SLU7: variants seen among roughly 807,000 people sequenced by gnomAD.
The protein encoded by SLU7 is spliceosome associated SLU7.
SLU7 carries 60 observed loss-of-function variants against 87.0 expected under a neutral mutation model. That is an observed-to-expected ratio of 0.69 (90% CI 0.56 to 0.86). SLU7 has a LOEUF of 0.86. SLU7 is among the 40% of genes least tolerant of loss of function. SLU7 has a pLI of 0.00. For missense variants in SLU7, 507 were observed against 686.6 expected, an observed-to-expected ratio of 0.74 and a Z score of 2.92; for synonymous variants, 197 against 222.0, an observed-to-expected ratio of 0.89 and a Z score of 1.00.
chr5:160,416,476 C>T (rs1765461356), intron 1 of SLU7, among the ~76,000 whole-genome samples: 1 of 152,222 alleles, frequency 6.6e-6, no homozygotes, highest in African/African-American at 2.4e-5. Flanking sequence ...GACATCTCCA[C>T]TTAGAGGCCA....
At chr5:160,411,796 C>T (rs1359565494) in intron 6 of SLU7, among the ~76,000 whole-genome samples, 2 of 151,786 alleles carry the variant, frequency 1.3e-5, no homozygotes, top group Non-Finnish European at 2.9e-5. Context: ...GAAAAAAAAA[C>T]TGGCTGCAAT....
At chr5:160,415,336 TAA>T (rs1375003377) in intron 1 of SLU7, 26 bp from the exon 2 acceptor site, 2 of 1,511,916 alleles carry the variant, frequency 1.3e-6, no homozygotes. Flanking sequence ...AAACTTACAG[TAA>T]AAAGTAGGCC....
intron 2 of SLU7, among the ~76,000 whole-genome samples, chr5:160,414,843 G>A (rs768772287): frequency 5.9e-5 from 9 of 152,126 alleles, no homozygotes; most frequent in Non-Finnish European, 1.0e-4. Context: ...CTAGAGATGT[G>A]ACGGTAACAA....
chr5:160,415,955 T>C (rs1260374798), intron 1 of SLU7, among the ~76,000 whole-genome samples: 1 of 152,016 alleles, frequency 6.6e-6, no homozygotes, highest in Non-Finnish European at 1.5e-5. Flanking sequence ...TGCAGTGGCA[T>C]GATCTCAGCT....
chr5:160,413,808 G>T, intron 4 of SLU7, 91 bp downstream of exon 4: 1 of 1,030,150 alleles, frequency 9.7e-7, no homozygotes, highest in Non-Finnish European at 1.4e-6. Context: ...CCTAAATATA[G>T]GTGATTTCAG....
At chr5:160,409,278 C>A (rs796193125) in intron 6 of SLU7, among the ~76,000 whole-genome samples, 1 of 151,984 alleles carries the variant, frequency 6.6e-6, no homozygotes, top group South Asian at 2.1e-4. Flanking sequence ...AAGGAGAGGC[C>A]AAACTCCTTG....
intron 1 of SLU7, among the ~76,000 whole-genome samples, chr5:160,416,812 T>C (rs1390054722): frequency 1.3e-5 from 2 of 152,216 alleles, no homozygotes; most frequent in Non-Finnish European, 2.9e-5. Context: ...AATCTGATCA[T>C]ATCATGTCTG....
In SLU7 at chr5:160,412,565, T is replaced by C. The variant is rs760615430; in HGVS notation, c.571-46A>G. On this transcript the variant is annotated intron_variant, in intron 5 of 15. Transcript: ENST00000297151. ...AAGAAAGAAAGAAAAAGTAAACATTTAAATTTTACTTACAACATTCAAGTC... is the reference window on the plus strand; with the variant it reads ...AAGAAAGAAAGAAAAAGTAAACATTCAAATTTTACTTACAACATTCAAGTC... 12 of 1,170,476 alleles carry C rather than the reference T, an allele frequency of 1.0e-5. No homozygotes were observed. The South Asian group carries it at 1.8e-4, about 18-fold the overall frequency. 72.5% of individuals were successfully genotyped at this position (1,170,476 alleles called of 1,614,324 possible). A position where few individuals can be genotyped will look rare whatever the true frequency, so the allele number is the denominator to read the frequency against.
Position 160,415,088 on chromosome 5 carries a change from CTGAA to C in SLU7, c.170+33_170+36del, listed in dbSNP as rs751501427. The C allele has an allele frequency of 2.0e-6, 3 of 1,494,438 alleles. No individual in the cohort carries two copies. The African/African-American group carries it at 4.2e-5, about 21-fold the overall frequency. The allele number at this position is 1,494,438 out of a possible 1,614,324, so 92.6% of individuals were successfully genotyped here. A position where few individuals can be genotyped will look rare whatever the true frequency, so the allele number is the denominator to read the frequency against. On this transcript the variant is annotated intron_variant, in intron 2 of 15. Coordinates refer to ENST00000297151, the MANE Select transcript of SLU7 (RefSeq NM_006425.5). ...AACTAAGTAGACATGAATTTGAATT[CTGAA>C]TGAATGGATCATACAAAAAATTAAG... is the stretch of plus-strand genomic sequence containing the variant.
In SLU7 at chr5:160,402,112, C is replaced by A. The variant is rs1581056246; in HGVS notation, c.*1173G>T. ...CTATCCTTATAATTCTTTCAATAAA[C>A]CAACTTCAGGTTTTGTTTTTTTGCA... On this transcript the variant is annotated 3_prime_UTR_variant, in exon 16 of 16. Transcript: ENST00000297151. 6.6e-6 allele frequency: 1 copy of A among 152,152 alleles called. No homozygotes were observed. Among genetic ancestry groups the A allele is most frequent in the East Asian group, 1.9e-4 (1 of 5,206 alleles). 9.4% of individuals were successfully genotyped at this position (152,152 alleles called of 1,614,324 possible).
In SLU7 at chr5:160,404,795, G is replaced by T. The variant is rs750078788; in HGVS notation, c.1464+14C>A. On this transcript the variant is annotated intron_variant, in intron 14 of 15. Coordinates refer to ENST00000297151, the MANE Select transcript of SLU7 (RefSeq NM_006425.5). ...CAGGACTTAAAAATTCAGGACAAAT[G>T]ATTATCAACTTACCTCCATGAGGGT... 6.3e-7 allele frequency: 1 copy of T among 1,580,124 alleles called. No individual in the cohort carries two copies. The highest frequency in any genetic ancestry group is 8.7e-7 in the Non-Finnish European group (1 of 1,149,232).
chr5:160,406,722 G>A, intron 11 of SLU7, 93 bp from the exon 12 acceptor site: 2 of 1,048,802 alleles, frequency 1.9e-6, no homozygotes, highest in Non-Finnish European at 2.7e-6. Flanking sequence ...GAAAGAAAGG[G>A]AACATTCTTT....
chr5:160,407,509 G>T lies in SLU7; in HGVS notation c.1092C>A (p.Phe364Leu). 1 of 1,611,486 alleles carries T rather than the reference G, an allele frequency of 6.2e-7. No homozygotes were observed. Among genetic ancestry groups the T allele is most frequent in the Non-Finnish European group, 8.5e-7 (1 of 1,179,202 alleles). ...YKSFKVKKED[F>L]KEQQKESILE... The stretch of plus-strand genomic sequence containing the variant: ...GGATGCTTTCTTTCTGCTGTTCTTT[G>T]AAATCTTCTTTTTTGACTTTGAAGG... Residue 364 changes from phenylalanine to leucine, a missense_variant, in exon 11 of 16, where the codon TTC becomes TTA. This residue lies in a region of SLU7 where 43 missense variants were observed against 58.4 expected (regional missense o/e 0.74). Coordinates refer to ENST00000297151, the MANE Select transcript of SLU7 (RefSeq NM_006425.5). This position sits in a 1 kb window ranked among gnomAD's most constrained non-coding sequence, Gnocchi z 4.2.
chr5:160,411,367 C>T (rs1460783046), intron 6 of SLU7, among the ~76,000 whole-genome samples: 6 of 152,034 alleles, frequency 3.9e-5, no homozygotes, highest in East Asian at 1.9e-4. Flanking sequence ...TACAGGTGCT[C>T]GCCACCACAC....
At position 160,406,759 on chromosome 5, in the gene SLU7, T is replaced by C. The variant is rs1335243810; in HGVS notation, c.1126-130A>G. On this transcript the variant is annotated intron_variant, in intron 11 of 15. Coordinates refer to ENST00000297151, the MANE Select transcript of SLU7 (RefSeq NM_006425.5). ...CTGGGTTTTGTTATAGAAAGCACAG[T>C]AGGAAAAAAAAAGCCACAAATTTTT... is the stretch of plus-strand genomic sequence containing the variant. The C allele has an allele frequency of 5.1e-6, 4 of 777,824 alleles. No individual in the cohort carries two copies. The East Asian group carries it at 9.2e-5, about 18-fold the overall frequency. The allele number at this position is 777,824 out of a possible 1,614,324, so 48.2% of individuals were successfully genotyped here. A position where few individuals can be genotyped will look rare whatever the true frequency, so the allele number is the denominator to read the frequency against.
chr5:160,414,086 G>T, intron 3 of SLU7, 107 bp from the exon 4 acceptor site: 1 of 777,260 alleles, frequency 1.3e-6, no homozygotes, highest in Non-Finnish European at 2.0e-6. Flanking sequence ...TTTGTTAAAA[G>T]GAAAATAAGT....
intron 6 of SLU7, among the ~76,000 whole-genome samples, chr5:160,411,691 T>C (rs931499018): frequency 1.3e-5 from 2 of 152,218 alleles, no homozygotes; most frequent in African/African-American, 4.8e-5. Context: ...ACTATAAATG[T>C]TTACTATTTA....
At position 160,403,442 on chromosome 5, in the gene SLU7, C is replaced by A; in HGVS notation, c.1604G>T (p.Arg535Leu). 6.2e-7 allele frequency: 1 copy of A among 1,609,408 alleles called. No homozygotes were observed. Among genetic ancestry groups the A allele is most frequent in the Non-Finnish European group, 8.5e-7 (1 of 1,178,048 alleles). ...CATGGTCTCCTTGACATGAAGAAGG[C>A]GGGCCTCCTCTGCGTTCAGTGCCTA... ...LKKALNAEEA[R>L]LLHVKETMQI... Residue 535 changes from arginine (R) to leucine (L), a missense_variant, in exon 16 of 16, where the codon CGC becomes CTC. By Grantham distance (102) the Arg-to-Leu change is moderately radical. Coordinates refer to ENST00000297151, the MANE Select transcript of SLU7 (RefSeq NM_006425.5).
intron 12 of SLU7, 31 bp downstream of exon 12, chr5:160,406,437 G>A: frequency 6.5e-7 from 1 of 1,545,036 alleles, no homozygotes; most frequent in South Asian, 1.2e-5. Flanking sequence ...AAACCAACAA[G>A]GACACAAAAT....
Sources: allele counts gnomAD v4.1 joint callset (sites outside exome capture counted in the v4.1 genomes callset), GRCh38; gene constraint gnomAD v4.1.1; regional missense constraint gnomAD v4.1.1; non-coding constraint Gnocchi (gnomAD v3.1); transcripts MANE v1.5; gene names NCBI Gene and HGNC (gene_info 2026-07-23, HGNC 2026-07-21).